The following ZNF236 variants were observed in gnomAD, a reference collection of about 807,000 sequenced individuals.
ZNF236 encodes regulated by glucose.
Under a neutral mutation model 191.2 loss-of-function variants are expected in ZNF236, and 50 were observed. That is an observed-to-expected ratio of 0.26 (90% CI 0.21 to 0.33). The LOEUF is 0.33. ZNF236 is among the 10% of genes least tolerant of loss of function. The probability of loss-of-function intolerance (pLI) is 1.00; values close to 1 mark genes in which losing one functional copy is unlikely to be tolerated. For synonymous variants in ZNF236, 907 were observed against 928.8 expected (o/e 0.98, Z 0.43); for missense variants, 1,754 against 2,374.5 (o/e 0.74, Z 5.43).
At chr18:76,848,010 G>A (rs371619740) in intron 1 of ZNF236, among the ~76,000 whole-genome samples, 2 of 152,124 alleles carry the variant, frequency 1.3e-5, no homozygotes, top group Non-Finnish European at 2.9e-5. Context: ...AAGGTTCTGC[G>A]GAATAATGTT....
chr18:76,952,715 G>A (rs1022117753), intron 27 of ZNF236, among the ~76,000 whole-genome samples: 5 of 152,334 alleles, frequency 3.3e-5, no homozygotes, highest in Admixed American at 2.0e-4. Flanking sequence ...GGCTGAGGCA[G>A]GAGGACTGCT....
At chr18:76,924,256 G>A (rs941569263) in intron 21 of ZNF236, among the ~76,000 whole-genome samples, 10 of 152,286 alleles carry the variant, frequency 6.6e-5, no homozygotes, top group African/African-American at 1.9e-4. Context: ...CCTAGGGCAC[G>A]GCCTCTCATG....
intron 7 of ZNF236, among the ~76,000 whole-genome samples, 197 bp from the exon 8 acceptor site, chr18:76,879,916 A>G (rs1452147465): frequency 2.0e-5 from 3 of 152,156 alleles, no homozygotes; most frequent in Non-Finnish European, 4.4e-5. Context: ...CATTAGAACA[A>G]TGTATTGAGT....
At chr18:76,954,707 A>AC (rs1283223088) in intron 27 of ZNF236, among the ~76,000 whole-genome samples, 8 of 152,154 alleles carry the variant, frequency 5.3e-5, no homozygotes, top group Non-Finnish European at 7.4e-5. Flanking sequence ...GCAGATACTC[A>AC]CGTGTAAACT....
intron 1 of ZNF236, among the ~76,000 whole-genome samples, chr18:76,847,720 T>C (rs180992992): frequency 6.0e-4 from 91 of 152,212 alleles, no homozygotes; most frequent in Middle Eastern, 6.8e-3. Flanking sequence ...CCACCCGCCT[T>C]GGCCTCCTGC....
Position 76,970,415 on chromosome 18 carries a change from CT to C in ZNF236, c.*2080del, listed in dbSNP as rs1389949205. 1 of 152,544 alleles carries C rather than the reference CT, an allele frequency of 6.6e-6. No individual in the cohort carries two copies. The highest frequency in any genetic ancestry group is 2.4e-5 in the African/African-American group (1 of 41,436). 9.4% of individuals were successfully genotyped at this position (152,544 alleles called of 1,614,324 possible). On this transcript the variant is annotated 3_prime_UTR_variant, in exon 31 of 31. Coordinates refer to ENST00000320610, the MANE Select transcript of ZNF236 (RefSeq NM_001306089.2). ...AAATATCAATAATTCAATTTTGTGT[CT>C]TTTCTCAATTTATTAGCAAACACAA...
intron 5 of ZNF236, among the ~76,000 whole-genome samples, chr18:76,873,304 G>A (rs953298660): frequency 6.6e-6 from 1 of 152,074 alleles, no homozygotes; most frequent in East Asian, 1.9e-4. Context: ...TAAATATACC[G>A]ACATCATGAG....
chr18:76,827,848 G>A (rs923256916), intron 1 of ZNF236, among the ~76,000 whole-genome samples: 6 of 152,146 alleles, frequency 3.9e-5, no homozygotes, highest in Admixed American at 3.9e-4. Flanking sequence ...AATTATTTTA[G>A]CAATAATGTG....
At chr18:76,893,864 A>ATC in intron 9 of ZNF236, among the ~76,000 whole-genome samples, 1 of 152,364 alleles carries the variant, frequency 6.6e-6, no homozygotes, top group East Asian at 1.9e-4. Context: ...GTATTTGAGA[A>ATC]AATGGTTTCT....
At chr18:76,961,662 T>C (rs1968671370) in intron 30 of ZNF236, among the ~76,000 whole-genome samples, 1 of 152,218 alleles carries the variant, frequency 6.6e-6, no homozygotes, top group Admixed American at 6.5e-5. Context: ...GTGGCTGTAC[T>C]AGTTTACATT....
chr18:76,839,103 C>T (rs979346759), intron 1 of ZNF236, among the ~76,000 whole-genome samples: 27 of 152,206 alleles, frequency 1.8e-4, no homozygotes, highest in African/African-American at 1.7e-4. Flanking sequence ...ATAAAATCTC[C>T]TCCAACATAT....
intron 25 of ZNF236, chr18:76,936,398 C>T (rs1435284266): frequency 1.5e-5 from 7 of 456,512 alleles, no homozygotes; most frequent in Non-Finnish European, 3.1e-5. Flanking sequence ...ATGCTGAACC[C>T]GTCTCATCTG....
rs999847866 is a variant in ZNF236 at position 76,882,715 on chromosome 18, C to T, written c.1417+1203C>T. 1.8e-4 allele frequency among the ~76,000 whole-genome samples: 28 copies of T among 152,306 alleles called. 1 individual carries two copies. The East Asian group carries it at 3.7e-3, about 20-fold the overall frequency. ...AAACCACACTAGTCAGGCTCTTCTT[C>T]CCCTTGATCTGGACTTCTTCTCCCC... is the stretch of plus-strand genomic sequence containing the variant. On this transcript the variant is annotated intron_variant, in intron 9 of 30. Coordinates refer to ENST00000320610, the MANE Select transcript of ZNF236 (RefSeq NM_001306089.2).
At chr18:76,848,407 A>G (rs1008297612) in intron 1 of ZNF236, among the ~76,000 whole-genome samples, 1 of 152,226 alleles carries the variant, frequency 6.6e-6, no homozygotes, top group Non-Finnish European at 1.5e-5. Flanking sequence ...TTATGTCCAA[A>G]TTATAACACT....
In ZNF236 at chr18:76,971,935, G is replaced by T. The variant is rs987838836; in HGVS notation, c.*3596G>T. ...CAGAATTAATACCGTGCCCTTCCCT[G>T]ACTAAAAAAAGTTAATCCAAGGATT... On this transcript the variant is annotated 3_prime_UTR_variant, in exon 31 of 31. Coordinates refer to ENST00000320610, the MANE Select transcript of ZNF236 (RefSeq NM_001306089.2). 6.6e-6 allele frequency among the ~76,000 whole-genome samples: 1 copy of T among 152,034 alleles called. No homozygotes were observed. The highest frequency in any genetic ancestry group is 2.4e-5 in the African/African-American group (1 of 41,384).
rs565515946 is a variant in ZNF236, at chr18:76,927,870, CAG to C, written c.4415-56_4415-55del. 3.1e-4 allele frequency: 395 copies of C among 1,275,374 alleles called. 1 individual carries two copies. The highest frequency in any genetic ancestry group is 2.8e-3 in the African/African-American group (183 of 66,302). The allele number at this position is 1,275,374 out of a possible 1,614,324, so 79.0% of individuals were successfully genotyped here. A position where few individuals can be genotyped will look rare whatever the true frequency, so the allele number is the denominator to read the frequency against. On this transcript the variant is annotated intron_variant, in intron 24 of 30. Coordinates refer to ENST00000320610, the MANE Select transcript of ZNF236 (RefSeq NM_001306089.2). The surrounding 1 kb of genome is among the most constrained non-coding windows in gnomAD (Gnocchi z 5.4). Reference sequence around the variant, plus strand: ...AATTAAAATATTTTTAATATAAAAACAGGGGAAATTGGTTATTTTGAATCTCA... The same window carrying C: ...AATTAAAATATTTTTAATATAAAAACGGGAAATTGGTTATTTTGAATCTCA...
In ZNF236 at chr18:76,895,020, C is replaced by T. The variant is rs1977359492; in HGVS notation, c.1425C>T (p.Ile475=). ...KKKSPFLPGS[I]REENGVRWHV... ...TGTCCTCTCCCTTCACAGGCTCCAT[C>T]CGCGAGGAGAACGGCGTGCGCTGGC... Residue 475 remains isoleucine (I), a synonymous_variant, in exon 10 of 31, where the codon ATC becomes ATT. Transcript: ENST00000320610. 6.2e-7 allele frequency: 1 copy of T among 1,608,952 alleles called. No individual in the cohort carries two copies. The highest frequency in any genetic ancestry group is 1.7e-5 in the Admixed American group (1 of 59,996).
intron 1 of ZNF236, among the ~76,000 whole-genome samples, chr18:76,831,999 A>G (rs1332961569): frequency 2.6e-5 from 4 of 152,164 alleles, no homozygotes; most frequent in African/African-American, 9.7e-5. Flanking sequence ...GTCCTTTAGT[A>G]CTTTTCGGAT....
At chr18:76,881,566 T>A (rs1306578041) in intron 9 of ZNF236, 54 bp downstream of exon 9, 2 of 1,491,742 alleles carry the variant, frequency 1.3e-6, no homozygotes, top group Non-Finnish European at 1.8e-6. Flanking sequence ...ATTGCTGGTT[T>A]TTAAGAAATG....
Sources: allele counts gnomAD v4.1 joint callset (sites outside exome capture counted in the v4.1 genomes callset), GRCh38; gene constraint gnomAD v4.1.1; non-coding constraint Gnocchi (gnomAD v3.1); transcripts MANE v1.5; gene names NCBI Gene and HGNC (gene_info 2026-07-23, HGNC 2026-07-21).